Variants in TFAP2D observed in about 807,000 individuals in gnomAD.
TFAP2D encodes the protein transcription factor AP-2 delta.
TFAP2D carries 9 observed loss-of-function variants against 43.6 expected under a neutral mutation model. That is an observed-to-expected ratio of 0.21 (90% CI 0.12 to 0.36). The LOEUF (loss-of-function observed/expected upper bound fraction) is 0.36, where lower values mean the gene tolerates loss of function less well. TFAP2D is among the 10% of genes least tolerant of loss of function. The probability of loss-of-function intolerance (pLI) is 1.00; values close to 1 mark genes in which losing one functional copy is unlikely to be tolerated. For missense variants in TFAP2D, 513 were observed against 561.4 expected (o/e 0.91, Z 0.87); for synonymous variants, 256 against 224.9 (o/e 1.14, Z -1.24).
At chr6:50,728,306 T>C (rs938652765) in intron 3 of TFAP2D, among the ~76,000 whole-genome samples, 2 of 152,210 alleles carry the variant, frequency 1.3e-5, no homozygotes, top group Admixed American at 6.5e-5. Context: ...TAGAAATTTC[T>C]TTCAATGAGT....
At chr6:50,720,924 A>G (rs1024325039) in intron 3 of TFAP2D, among the ~76,000 whole-genome samples, 2 of 152,198 alleles carry the variant, frequency 1.3e-5, no homozygotes, top group Non-Finnish European at 2.9e-5. Flanking sequence ...TGGAAACTGC[A>G]TCTGAGCGTA....
chr6:50,747,567 C>T (rs1769142377), intron 6 of TFAP2D, among the ~76,000 whole-genome samples: 1 of 152,070 alleles, frequency 6.6e-6, no homozygotes, highest in Non-Finnish European at 1.5e-5. Flanking sequence ...CTCCTTCCCC[C>T]AGGAATGGTT....
At chr6:50,762,903 C>G (rs1361150097) in intron 7 of TFAP2D, among the ~76,000 whole-genome samples, 2 of 151,946 alleles carry the variant, frequency 1.3e-5, no homozygotes, top group Non-Finnish European at 2.9e-5. Flanking sequence ...AGAATATAGT[C>G]CAAGGTAGAT....
In TFAP2D at chr6:50,772,676, A is replaced by G. The variant is rs772761665; in HGVS notation, c.1171A>G (p.Ile391Val). 3.7e-6 allele frequency: 6 copies of G among 1,614,144 alleles called. No homozygotes were observed. The South Asian group carries it at 6.6e-5, about 18-fold the overall frequency. Residue 391 changes from isoleucine (I) to valine (V), a missense_variant, in exon 8 of 8, where the codon ATA becomes GTA. Ile to Val is a conservative substitution (Grantham distance 29, BLOSUM62 3). Coordinates refer to ENST00000008391, the MANE Select transcript of TFAP2D (RefSeq NM_172238.4). ...CACTCATGGCTTTGGGACTCCGGCA[A>G]TATGTGCAGCTCTAAGCACTTTCCA... is the stretch of plus-strand genomic sequence containing the variant. Reference protein sequence around the residue: ...LITHGFGTPAICAALSTFQTV... With the variant: ...LITHGFGTPAVCAALSTFQTV...
intron 3 of TFAP2D, among the ~76,000 whole-genome samples, chr6:50,719,471 A>AAGAG (rs1013247948): frequency 7.4e-6 from 1 of 135,864 alleles, no homozygotes; most frequent in African/African-American, 2.5e-5. Flanking sequence ...GAAAGAAAGA[A>AAGAG]AGAAAGAAAG....
chr6:50,722,140 T>C (rs1229804523), intron 3 of TFAP2D, among the ~76,000 whole-genome samples: 1 of 152,168 alleles, frequency 6.6e-6, no homozygotes, highest in Non-Finnish European at 1.5e-5. Flanking sequence ...AGCTAGGTAA[T>C]TACCACCTAG....
chr6:50,717,925 A>G (rs1768654114), intron 2 of TFAP2D: 1 of 152,200 alleles, frequency 6.6e-6, no homozygotes, highest in African/African-American at 2.4e-5. Flanking sequence ...AACAAATGTA[A>G]ATATACTTTT....
chr6:50,715,062 A>G (rs1483428896), intron 1 of TFAP2D, 54 bp from the exon 2 acceptor site: 2 of 1,574,480 alleles, frequency 1.3e-6, no homozygotes, highest in African/African-American at 2.7e-5. Flanking sequence ...CCTTGGTTGC[A>G]AAATGACAAA....
At chr6:50,722,796 C>A (rs771061588) in intron 3 of TFAP2D, among the ~76,000 whole-genome samples, 26 of 146,738 alleles carry the variant, frequency 1.8e-4, no homozygotes, top group Admixed American at 2.8e-4. Context: ...TTTGTGAAAT[C>A]GAGATGGCAA....
rs35537220 is a variant in TFAP2D at position 50,713,947 on chromosome 6, A to AT, written c.-99dup. On this transcript the variant is annotated 5_prime_UTR_variant, in exon 1 of 8. Transcript: ENST00000008391. Reference sequence around the variant, plus strand: ...CAATTTAGATATCTACCTATAGAACATTTTTTTTTTCCTTTAAAAATTGGA... The same window carrying AT: ...CAATTTAGATATCTACCTATAGAACATTTTTTTTTTTCCTTTAAAAATTGGA... 4,505 of 1,432,736 alleles carry AT rather than the reference A, an allele frequency of 3.1e-3. 29 individuals are homozygous for AT. The African/African-American group carries it at 0.034, about 11-fold the overall frequency. The allele number at this position is 1,432,736 out of a possible 1,614,324, so 88.8% of individuals were successfully genotyped here.
chr6:50,719,769 C>A (rs1338362897), intron 3 of TFAP2D, among the ~76,000 whole-genome samples: 1 of 152,122 alleles, frequency 6.6e-6, no homozygotes, highest in Non-Finnish European at 1.5e-5. Flanking sequence ...GTGGTGTTAA[C>A]TGTACTGGAT....
chr6:50,730,575 A>C (rs1768872575), intron 5 of TFAP2D, among the ~76,000 whole-genome samples: 3 of 152,112 alleles, frequency 2.0e-5, no homozygotes, highest in Admixed American at 2.0e-4. Context: ...TTTAAGTAAA[A>C]ATGTGGGTTA....
chr6:50,740,925 A>C (rs1480430513), intron 5 of TFAP2D, among the ~76,000 whole-genome samples: 2 of 152,122 alleles, frequency 1.3e-5, no homozygotes, highest in Non-Finnish European at 2.9e-5. Context: ...ATGTCACTTA[A>C]ATTTTTCCTA....
In TFAP2D at chr6:50,729,326, G is replaced by A. The variant is rs1201783238; in HGVS notation, c.883+14G>A. 1 of 1,606,550 alleles carries A rather than the reference G, an allele frequency of 6.2e-7. No individual in the cohort carries two copies. Among genetic ancestry groups the A allele is most frequent in the East Asian group, 2.2e-5 (1 of 44,834 alleles). Reference sequence around the variant, plus strand: ...CCTTGGTTGAAGGTATGACTTTTCAGTTTAGCAAAATAATGCTGGAAGGTT... The same window carrying A: ...CCTTGGTTGAAGGTATGACTTTTCAATTTAGCAAAATAATGCTGGAAGGTT... On this transcript the variant is annotated intron_variant, in intron 5 of 7. Coordinates refer to ENST00000008391, the MANE Select transcript of TFAP2D (RefSeq NM_172238.4).
chr6:50,715,882 G>T (rs1768618361), intron 2 of TFAP2D, among the ~76,000 whole-genome samples: 1 of 152,054 alleles, frequency 6.6e-6, no homozygotes, highest in South Asian at 2.1e-4. Flanking sequence ...AGTCCGGGCG[G>T]CTGCGGCCCT....
chr6:50,723,979 G>A (rs1436121976), intron 3 of TFAP2D, among the ~76,000 whole-genome samples: 3 of 152,058 alleles, frequency 2.0e-5, no homozygotes, highest in African/African-American at 7.2e-5. Context: ...AGCTATACCT[G>A]TAATGTTATA....
chr6:50,772,124 G>C (rs908803100), intron 7 of TFAP2D, among the ~76,000 whole-genome samples: 2 of 151,940 alleles, frequency 1.3e-5, no homozygotes, highest in Admixed American at 6.6e-5. Context: ...CCATCATTCT[G>C]AGCAAACTAT....
At chr6:50,740,228 T>G (rs1270318425) in intron 5 of TFAP2D, among the ~76,000 whole-genome samples, 1 of 152,246 alleles carries the variant, frequency 6.6e-6, no homozygotes, top group Non-Finnish European at 1.5e-5. Context: ...TATTTTCATT[T>G]AATAACATTG....
In TFAP2D at chr6:50,745,161, C is replaced by T. The variant is rs1358566862; in HGVS notation, c.938C>T (p.Pro313Leu). Residue 313 changes from proline to leucine, a missense_variant, in exon 6 of 8, where the codon CCA (proline) becomes CTA (leucine). This residue lies in a region of TFAP2D where 199 missense variants were observed against 227.9 expected (regional missense o/e 0.87). Transcript: ENST00000008391. ...DFGYTCETEF[P>L]AKAVGEHLAR... ...GGCTACACTTGTGAAACAGAGTTTCCAGCCAAAGCAGTAGGAGAACATCTT... is the reference window on the plus strand; with the variant it reads ...GGCTACACTTGTGAAACAGAGTTTCTAGCCAAAGCAGTAGGAGAACATCTT... 1 of 1,613,510 alleles carries T rather than the reference C, an allele frequency of 6.2e-7. No homozygotes were observed.
Sources: gnomAD v4.1 joint callset for allele counts (sites outside exome capture counted in the v4.1 genomes callset) on GRCh38, gnomAD v4.1.1 for gene constraint, gnomAD v4.1.1 regional missense constraint, MANE v1.5 for transcripts, NCBI Gene and HGNC (gene_info 2026-07-23, HGNC 2026-07-21) for gene names.